The following CACNA1H variants were observed in gnomAD, a reference collection of about 807,000 sequenced individuals.
CACNA1H encodes voltage-dependent T-type calcium channel subunit alpha-1H.
Under a neutral mutation model 192.5 loss-of-function variants are expected in CACNA1H, and 149 were observed. The observed-to-expected ratio is 0.77, with a 90% CI of 0.68 to 0.89. The LOEUF is 0.89. CACNA1H is among the 40% of genes least tolerant of loss of function. The pLI is 0.00. For synonymous variants in CACNA1H, 2,202 were observed against 1,475.2 expected (o/e 1.49, Z -11.29); for missense variants, 4,257 against 3,423.5 (o/e 1.24, Z -6.08).
At chr16:1,217,270 C>T (rs909645666) in intron 31 of CACNA1H, among the ~76,000 whole-genome samples, 1 of 152,250 alleles carries the variant, frequency 6.6e-6, no homozygotes, top group African/African-American at 2.4e-5. Flanking sequence ...ACAGGGATGC[C>T]TGCCACACGT....
chr16:1,220,899 G>C lies in CACNA1H; in HGVS notation c.6967G>C (p.Gly2323Arg). The C allele has an allele frequency of 6.2e-7, 1 of 1,612,318 alleles. No individual in the cohort carries two copies. Among genetic ancestry groups the C allele is most frequent in the Non-Finnish European group, 8.5e-7 (1 of 1,179,578 alleles). ...CGGTGACCCCCCAGAGAAGAGGCGG[G>C]GGCTGTACCTCACAGTCCCCCAGTG... ...PVGDPPEKRR[G>R]LYLTVPQCPL... Residue 2323 changes from glycine (G) to arginine (R), a missense_variant, in exon 35 of 35, where the codon GGG (glycine) becomes CGG (arginine). By Grantham distance (125) the Gly-to-Arg change is moderately radical. Coordinates refer to ENST00000348261, the MANE Select transcript of CACNA1H (RefSeq NM_021098.3).
rs114887471 is a variant in CACNA1H at position 1,214,276 on chromosome 16, C to T, written c.4929+345C>T. On this transcript the variant is annotated intron_variant, in intron 27 of 34. Coordinates refer to ENST00000348261, the MANE Select transcript of CACNA1H (RefSeq NM_021098.3). ...AGGTGGAGTTTTTCTTTATTCGGGT[C>T]CCCCTGCATCCTCTCCTTTCCTCAG... Among the ~76,000 whole-genome samples the T allele has an allele frequency of 8.9e-3, 1,362 of 152,308 alleles. 15 individuals carry two copies. The highest frequency in any genetic ancestry group is 0.031 in the African/African-American group (1,296 of 41,550).
rs374262237 is a variant in CACNA1H at position 1,210,376 on chromosome 16, C to A, written c.3852C>A (p.Arg1284=). The A allele has an allele frequency of 3.7e-5, 57 of 1,552,080 alleles. No homozygotes were observed. Among genetic ancestry groups the A allele is most frequent in the Non-Finnish European group, 5.0e-5 (57 of 1,151,506 alleles). ...CCCGCCCCCGCCCACCCAGGTTCCG[C>A]GTCTCCTGCCAGAAGGTCATCACAC... is the stretch of plus-strand genomic sequence containing the variant. ...LYLFSPQNRF[R]VSCQKVITHK... Residue 1284 remains arginine, a synonymous_variant, in exon 19 of 35, where the codon CGC becomes CGA. Transcript: ENST00000348261.
At chr16:1,186,010 G>A (rs113445092) in intron 2 of CACNA1H, among the ~76,000 whole-genome samples, 2 of 85,700 alleles carry the variant, frequency 2.3e-5, no homozygotes, top group African/African-American at 1.1e-4. Flanking sequence ...AGTAGACGGC[G>A]TGCGTAGGGG....
rs1039148038 is a variant in CACNA1H at position 1,163,330 on chromosome 16, C to T, written c.299+9294C>T. ...GTTGGAGCAGGGCCTGGGAGGCCGG[C>T]GCCGGGGTACGGTGTGGAGCTACGA... is the stretch of plus-strand genomic sequence containing the variant. On this transcript the variant is annotated intron_variant, in intron 2 of 34. Coordinates refer to ENST00000348261, the MANE Select transcript of CACNA1H (RefSeq NM_021098.3). 3.9e-5 allele frequency among the ~76,000 whole-genome samples: 6 copies of T among 152,212 alleles called. No individual in the cohort carries two copies. In the East Asian group the frequency reaches 5.8e-4, roughly 15 times the overall value.
intron 27 of CACNA1H, among the ~76,000 whole-genome samples, chr16:1,214,327 T>C (rs1969814996): frequency 2.0e-5 from 3 of 152,206 alleles, no homozygotes; most frequent in African/African-American, 7.2e-5. Context: ...CTCCCAGCCT[T>C]TTAGAAGAAG....
In CACNA1H at chr16:1,207,313, C is replaced by G. The variant is rs368824465; in HGVS notation, c.2946C>G (p.Asn982Lys). ...TQEDWNVVLY[N>K]GMASTSSWAA... The stretch of plus-strand genomic sequence containing the variant: ...AGGACTGGAACGTGGTCCTGTACAA[C>G]GGCATGGCCTCCACCTCCTCCTGGG... Residue 982 changes from asparagine to lysine, a missense_variant, in exon 14 of 35, where the codon AAC becomes AAG. Transcript: ENST00000348261. 6.2e-6 allele frequency: 10 copies of G among 1,610,748 alleles called. No homozygotes were observed. Among genetic ancestry groups the G allele is most frequent in the Non-Finnish European group, 8.5e-6 (10 of 1,178,758 alleles).
At chr16:1,198,268 G>A (rs1380951419) in intron 5 of CACNA1H, among the ~76,000 whole-genome samples, 1 of 152,084 alleles carries the variant, frequency 6.6e-6, no homozygotes, top group Non-Finnish European at 1.5e-5. Context: ...CCAGTTCCCT[G>A]CCTCGGCCAG....
chr16:1,201,978 C>G lies in CACNA1H; in HGVS notation c.1528C>G (p.His510Asp). The change falls in exon 9 of 35, where the codon CAC becomes GAC. Residue 510 changes from histidine to aspartate, a missense_variant. His to Asp is a moderately conservative substitution (Grantham distance 81, BLOSUM62 -1). Coordinates refer to ENST00000348261, the MANE Select transcript of CACNA1H (RefSeq NM_021098.3). Reference protein sequence around the residue: ...PGHRQRRAGRHTASVHHLVYH... With the variant: ...PGHRQRRAGRDTASVHHLVYH... Reference sequence around the variant, plus strand: ...GCACCGCCAGCGCCGGGCAGGCAGGCACACAGCCTCGGTGCACCACCTGGT... The same window carrying G: ...GCACCGCCAGCGCCGGGCAGGCAGGGACACAGCCTCGGTGCACCACCTGGT... 1 of 1,542,490 alleles carries G rather than the reference C, an allele frequency of 6.5e-7. No individual in the cohort carries two copies.
At position 1,195,077 on chromosome 16, in the gene CACNA1H, C is replaced by A; in HGVS notation, c.405C>A (p.Ile135=). ...DVECGSERCN[I]LEAFDAFIFA... is the part of the protein sequence containing the mutation. ...AGTGCGGCTCCGAGCGCTGCAACAT[C>A]CTGGAGGTGAGGGGCGTGGGTCGGG... Residue 135 remains isoleucine (I), a synonymous_variant, in exon 3 of 35, where the codon ATC becomes ATA. Coordinates refer to ENST00000348261, the MANE Select transcript of CACNA1H (RefSeq NM_021098.3). The A allele has an allele frequency of 6.4e-7, 1 of 1,555,842 alleles. No homozygotes were observed. The highest frequency in any genetic ancestry group is 8.8e-7 in the Non-Finnish European group (1 of 1,142,326).
chr16:1,191,403 T>A (rs1429633186), intron 2 of CACNA1H, among the ~76,000 whole-genome samples: 5 of 69,894 alleles, frequency 7.2e-5, no homozygotes, highest in Admixed American at 1.2e-4. Context: ...GGGGTTTCGG[T>A]GACCCAGCAG....
At position 1,220,829 on chromosome 16, in the gene CACNA1H, C is replaced by G. The variant is rs765151006; in HGVS notation, c.6897C>G (p.Ala2299=). The change falls in exon 35 of 35, where the codon GCC becomes GCG. Residue 2299 remains alanine (A), a synonymous_variant. Transcript: ENST00000348261. The part of the protein sequence containing the change: ...TPESRASSSG[A]IVPLEPPESE... ...AATCCAGAGCTTCCTCTTCAGGGGC[C>G]ATAGTGCCCCTGGAACCCCCAGAAT... The G allele has an allele frequency of 1.9e-6, 3 of 1,612,744 alleles. No individual in the cohort carries two copies. In the East Asian group the frequency reaches 6.7e-5, roughly 36 times the overall value.
Position 1,210,082 on chromosome 16 carries a change from G to C in CACNA1H, c.3792G>C (p.Gln1264His). Reference protein sequence around the residue: ...LHKVLEPYKPQWCRSREAWAL... With the variant: ...LHKVLEPYKPHWCRSREAWAL... ...AAGTGCTGGAGCCCTACAAGCCCCA[G>C]TGGTGCCGGAGCCGCGAGGCCTGGG... is the stretch of plus-strand genomic sequence containing the variant. The change falls in exon 18 of 35, where the codon CAG becomes CAC. Residue 1264 changes from glutamine (Q) to histidine (H), a missense_variant. Coordinates refer to ENST00000348261, the MANE Select transcript of CACNA1H (RefSeq NM_021098.3). 4 of 1,559,858 alleles carry C rather than the reference G, an allele frequency of 2.6e-6. No homozygotes were observed. Among genetic ancestry groups the C allele is most frequent in the Non-Finnish European group, 3.5e-6 (4 of 1,152,710 alleles).
At position 1,218,012 on chromosome 16, in the gene CACNA1H, C is replaced by T. The variant is rs771311322; in HGVS notation, c.5417C>T (p.Thr1806Met). ...MAFLTLFRVS[T>M]GDNWNGIMKD... ...TTCCTCACGCTGTTCCGCGTGTCCA[C>T]GGGGGACAACTGGAACGGGATCATG... The change falls in exon 32 of 35, where the codon ACG becomes ATG. Residue 1806 changes from threonine to methionine, a missense_variant. Physicochemically the swap from Thr to Met is moderately conservative, Grantham distance 81. Coordinates refer to ENST00000348261, the MANE Select transcript of CACNA1H (RefSeq NM_021098.3). The T allele has an allele frequency of 2.5e-6, 4 of 1,601,254 alleles. No individual in the cohort carries two copies. The highest frequency in any genetic ancestry group is 3.4e-6 in the Non-Finnish European group (4 of 1,174,402).
intron 2 of CACNA1H, among the ~76,000 whole-genome samples, chr16:1,160,931 C>T (rs1021667675): frequency 8.6e-5 from 13 of 151,762 alleles, no homozygotes; most frequent in African/African-American, 7.3e-5. Flanking sequence ...CCAGTGCGGC[C>T]CCCCCCCAGC....
At chr16:1,193,994 C>A (rs1219428698) in intron 2 of CACNA1H, among the ~76,000 whole-genome samples, 3 of 152,158 alleles carry the variant, frequency 2.0e-5, no homozygotes, top group African/African-American at 7.2e-5. Flanking sequence ...CTGTAGTGAG[C>A]GTGGCCCGTG....
At chr16:1,154,739 C>G (rs970565829) in intron 2 of CACNA1H, among the ~76,000 whole-genome samples, 1 of 152,184 alleles carries the variant, frequency 6.6e-6, no homozygotes, top group Admixed American at 6.5e-5. Flanking sequence ...AAGAGGCAGC[C>G]TCTTCTACTC....
chr16:1,159,021 G>C (rs1370068312), intron 2 of CACNA1H, among the ~76,000 whole-genome samples: 1 of 152,250 alleles, frequency 6.6e-6, no homozygotes, highest in African/African-American at 2.4e-5. Flanking sequence ...GGCACTGACT[G>C]ACCTCAGGGC....
At chr16:1,189,844 C>T (rs1017564606) in intron 2 of CACNA1H, among the ~76,000 whole-genome samples, 1 of 152,190 alleles carries the variant, frequency 6.6e-6, no homozygotes, top group Non-Finnish European at 1.5e-5. Flanking sequence ...CTGTTCAGGC[C>T]TCTCTCTGGG....
Sources: allele counts gnomAD v4.1 joint callset (sites outside exome capture counted in the v4.1 genomes callset), GRCh38; gene constraint gnomAD v4.1.1; transcripts MANE v1.5; gene names NCBI Gene and HGNC (gene_info 2026-07-23, HGNC 2026-07-21).